COBL: variants seen among roughly 807,000 people sequenced by gnomAD.
COBL encodes cordon-bleu WH2 repeat protein, also known as protein cordon-bleu.
COBL carries 51 observed loss-of-function variants against 98.8 expected under a neutral mutation model. The observed-to-expected ratio is 0.52, with a 90% confidence interval of 0.41 to 0.65. COBL has a LOEUF of 0.65. Ranked by LOEUF, COBL falls within the 30% of genes least tolerant of loss-of-function variation. The pLI is 0.00. For synonymous variants in COBL, 634 were observed against 651.7 expected (o/e 0.97, Z 0.41); for missense variants, 1,617 against 1,617.5 (o/e 1.00, Z 0.01).
chr7:51,191,921 A>G (rs1790152210), intron 3 of COBL, among the ~76,000 whole-genome samples: 1 of 152,210 alleles, frequency 6.6e-6, no homozygotes, highest in African/African-American at 2.4e-5. Flanking sequence ...CCTGCGTACC[A>G]GGGCCCAGTG....
At chr7:51,290,675 G>A (rs747015855) in intron 1 of COBL, among the ~76,000 whole-genome samples, 1 of 151,920 alleles carries the variant, frequency 6.6e-6, no homozygotes, top group Non-Finnish European at 1.5e-5. Flanking sequence ...CCTCAGCCTC[G>A]GCCCCTCCTT....
chr7:51,051,912 T>C (rs1790276434), intron 7 of COBL, among the ~76,000 whole-genome samples: 1 of 152,156 alleles, frequency 6.6e-6, no homozygotes, highest in Admixed American at 6.5e-5. Flanking sequence ...ATGTGCTTTT[T>C]GTTGTTGTTG....
intron 1 of COBL, among the ~76,000 whole-genome samples, chr7:51,239,292 A>G (rs1411690725): frequency 6.6e-6 from 1 of 152,208 alleles, no homozygotes; most frequent in Non-Finnish European, 1.5e-5. Context: ...TGCAGTAAAG[A>G]AACTGGCTAA....
chr7:51,257,532 C>T (rs1206176911), intron 1 of COBL, among the ~76,000 whole-genome samples: 1 of 152,094 alleles, frequency 6.6e-6, no homozygotes, highest in East Asian at 1.9e-4. Flanking sequence ...AAGCAATATG[C>T]AAAGGTTCAT....
intron 6 of COBL, among the ~76,000 whole-genome samples, chr7:51,129,574 G>A (rs746528464): frequency 6.6e-6 from 1 of 152,176 alleles, no homozygotes; most frequent in Non-Finnish European, 1.5e-5. Context: ...GACACTGTAG[G>A]TGTGTCAGGG....
intron 6 of COBL, among the ~76,000 whole-genome samples, chr7:51,133,730 C>T (rs573472908): frequency 5.3e-5 from 8 of 152,286 alleles, no homozygotes; most frequent in East Asian, 1.9e-4. Flanking sequence ...GAAGAGCATT[C>T]GGTCACCTCC....
intron 5 of COBL, among the ~76,000 whole-genome samples, chr7:51,164,366 A>T (rs1476044475): frequency 6.6e-6 from 1 of 152,184 alleles, no homozygotes; most frequent in Non-Finnish European, 1.5e-5. Flanking sequence ...GGATCCTAAA[A>T]GCAGGAAGAG....
intron 1 of COBL, among the ~76,000 whole-genome samples, chr7:51,285,928 G>T (rs1481624118): frequency 6.6e-6 from 1 of 152,152 alleles, no homozygotes; most frequent in Non-Finnish European, 1.5e-5. Flanking sequence ...TCAAGAAATA[G>T]ATCCACATAA....
chr7:51,190,790 T>A, intron 4 of COBL, 60 bp downstream of exon 4: 1 of 1,374,378 alleles, frequency 7.3e-7, no homozygotes, highest in East Asian at 2.4e-5. Flanking sequence ...ACAGGGGACA[T>A]GTACACGCCG....
intron 1 of COBL, among the ~76,000 whole-genome samples, chr7:51,254,076 T>C (rs1796986681): frequency 6.6e-6 from 1 of 152,060 alleles, no homozygotes; most frequent in Non-Finnish European, 1.5e-5. Flanking sequence ...GAGTTGTTTT[T>C]TTTTTGTCAA....
At chr7:51,190,828 G>A (rs200331924) in intron 4 of COBL, 22 bp downstream of exon 4, 338 of 1,601,094 alleles carry the variant, frequency 2.1e-4, no homozygotes, top group Admixed American at 3.5e-4. Context: ...GGGCAGGTGC[G>A]TGAGACGCAG....
intron 1 of COBL, among the ~76,000 whole-genome samples, chr7:51,280,309 A>T (rs1799702870): frequency 1.3e-5 from 2 of 152,172 alleles, no homozygotes; most frequent in Non-Finnish European, 2.9e-5. Flanking sequence ...ATGTTTAATG[A>T]GGAGGGAGAA....
chr7:51,113,058 T>A (rs980085097), intron 6 of COBL, among the ~76,000 whole-genome samples: 2 of 152,182 alleles, frequency 1.3e-5, no homozygotes, highest in Non-Finnish European at 2.9e-5. Context: ...GTCTAGGGTG[T>A]GAAATGCACT....
chr7:51,288,856 T>C (rs1800630010), intron 1 of COBL, among the ~76,000 whole-genome samples: 1 of 119,374 alleles, frequency 8.4e-6, no homozygotes, highest in Admixed American at 9.5e-5. Flanking sequence ...GGAAATACTC[T>C]TCTACCTACT....
chr7:51,052,711 T>C (rs952999125), intron 7 of COBL, among the ~76,000 whole-genome samples: 2 of 152,228 alleles, frequency 1.3e-5, no homozygotes, highest in Admixed American at 6.5e-5. Flanking sequence ...AAATTGACTA[T>C]GCTTTGGGTC....
At chr7:51,107,487 T>C (rs1237739086) in intron 6 of COBL, among the ~76,000 whole-genome samples, 4 of 152,242 alleles carry the variant, frequency 2.6e-5, no homozygotes, top group African/African-American at 7.2e-5. Context: ...TGGTTTCATA[T>C]TCCCACTTCA....
In COBL at chr7:51,025,258, G is replaced by GGGGGGGGGGGGGGGGTT; in HGVS notation, c.3618_3619insAACCCCCCCCCCCCCCC (p.Pro1207AsnfsTer41). The GGGGGGGGGGGGGGGGTT allele has an allele frequency of 1.4e-6, 1 of 725,724 alleles. No individual in the cohort carries two copies. The highest frequency in any genetic ancestry group is 1.4e-5 in the South Asian group (1 of 73,586). 45.0% of individuals were successfully genotyped at this position (725,724 alleles called of 1,614,324 possible). A position where few individuals can be genotyped will look rare whatever the true frequency, so the allele number is the denominator to read the frequency against. On this transcript the variant is annotated frameshift_variant, in exon 12 of 13. Coordinates refer to ENST00000265136, the MANE Select transcript of COBL (RefSeq NM_015198.5). LOFTEE classifies it high-confidence loss of function. Reference sequence around the variant, plus strand: ...TGGGAGGGTGGAGGGGGTGGTGGGGGAATGGCTGGTGGGGACAGAAGACCA... The same window carrying GGGGGGGGGGGGGGGGTT: ...TGGGAGGGTGGAGGGGGTGGTGGGGGGGGGGGGGGGGGGGGTTAATGGCTGGTGGGGACAGAAGACCA...
At chr7:51,147,464 G>A (rs574684069) in intron 5 of COBL, among the ~76,000 whole-genome samples, 31 of 152,180 alleles carry the variant, frequency 2.0e-4, no homozygotes, top group South Asian at 4.1e-4. Context: ...AACCTGACGC[G>A]TTCACCTTAC....
At chr7:51,091,156 A>C (rs1233878939) in intron 6 of COBL, among the ~76,000 whole-genome samples, 1 of 152,232 alleles carries the variant, frequency 6.6e-6, no homozygotes, top group African/African-American at 2.4e-5. Context: ...ACAGGGAAAC[A>C]TGGCCCAATT....
Sources: gnomAD v4.1 joint callset for allele counts (sites outside exome capture counted in the v4.1 genomes callset) on GRCh38, gnomAD v4.1.1 for gene constraint, MANE v1.5 for transcripts, NCBI Gene and HGNC (gene_info 2026-07-23, HGNC 2026-07-21) for gene names.